The following ADAM12 variants were observed in gnomAD, a reference collection of about 807,000 sequenced individuals.
ADAM12 encodes the protein ADAM metallopeptidase domain 12, also known as disintegrin and metalloproteinase domain-containing protein 12.
ADAM12 carries 70 observed loss-of-function variants against 106.4 expected under a neutral mutation model. The ratio of observed to expected loss-of-function variants is 0.66; its 90% CI spans 0.54 to 0.80. ADAM12 has a LOEUF of 0.80. ADAM12 is among the 30% of genes least tolerant of loss of function. The pLI, the probability that ADAM12 is intolerant of heterozygous loss-of-function variation, is 0.00. For missense variants in ADAM12, 1,010 were observed against 1,171.9 expected (o/e 0.86, Z 2.02); for synonymous variants, 420 against 433.5 (o/e 0.97, Z 0.39).
At chr10:126,255,528 T>A (rs1177449729) in intron 3 of ADAM12, among the ~76,000 whole-genome samples, 1 of 152,196 alleles carries the variant, frequency 6.6e-6, no homozygotes, top group East Asian at 1.9e-4. Flanking sequence ...ATGGCCATAC[T>A]ATTAAATTTT....
At chr10:126,033,181 A>T (rs906126348) in intron 21 of ADAM12, among the ~76,000 whole-genome samples, 1 of 152,142 alleles carries the variant, frequency 6.6e-6, no homozygotes, top group African/African-American at 2.4e-5. Context: ...TCATTCAGTA[A>T]TGTCACACTA....
intron 3 of ADAM12, among the ~76,000 whole-genome samples, chr10:126,198,291 G>A (rs992486011): frequency 8.5e-5 from 13 of 152,192 alleles, no homozygotes; most frequent in African/African-American, 3.1e-4. Flanking sequence ...TGGCAGAGGG[G>A]AGGTCACGCT....
chr10:126,186,196 G>T (rs986687809), intron 3 of ADAM12, among the ~76,000 whole-genome samples: 6 of 152,170 alleles, frequency 3.9e-5, no homozygotes, highest in Admixed American at 1.3e-4. Context: ...AGTGTGCAGT[G>T]TTCAGTCACT....
chr10:126,342,401 C>T (rs1161970126), intron 1 of ADAM12, among the ~76,000 whole-genome samples: 1 of 152,156 alleles, frequency 6.6e-6, no homozygotes, highest in Non-Finnish European at 1.5e-5. Context: ...AATTAGCGTC[C>T]TGAAGAACTT....
Position 126,039,320 on chromosome 10 carries a change from A to C in ADAM12, c.2214T>G (p.Asn738Lys), listed in dbSNP as rs374186953. ...RKTLIRLLFT[N>K]KKTTIEKLRC... is the part of the protein sequence containing the mutation. ...TTAGTTTTTCAATGGTGGTCTTCTT[A>C]TTTGTAAACAGCAGTCGTATCAAGG... The change falls in exon 19 of 23, where the codon AAT (asparagine) becomes AAG (lysine). Residue 738 changes from asparagine to lysine, a missense_variant. By Grantham distance (94) the Asn-to-Lys change is moderately conservative (BLOSUM62 0). Around this residue, in one of 3 missense-constraint regions of ADAM12, gnomAD observed 615 missense variants for 708.5 expected, o/e 0.87. Coordinates refer to ENST00000448723, the MANE Select transcript of ADAM12 (RefSeq NM_001288973.2). 4 of 1,613,996 alleles carry C rather than the reference A, an allele frequency of 2.5e-6. No individual in the cohort carries two copies. The highest frequency in any genetic ancestry group is 2.2e-5 in the East Asian group (1 of 44,868).
chr10:126,045,041 C>T (rs1954277780), intron 17 of ADAM12, among the ~76,000 whole-genome samples: 1 of 152,246 alleles, frequency 6.6e-6, no homozygotes, highest in East Asian at 1.9e-4. Flanking sequence ...CCAGCAAATG[C>T]GGGCCTCTCC....
chr10:126,376,391 ATGAACTGGCACT>A (rs1392667162), intron 1 of ADAM12, among the ~76,000 whole-genome samples: 1 of 152,234 alleles, frequency 6.6e-6, no homozygotes, highest in Non-Finnish European at 1.5e-5. Context: ...AAGAACAGCC[ATGAACTGGCACT>A]TGTTGAAACT....
chr10:126,105,253 G>T (rs1265917665), intron 8 of ADAM12, among the ~76,000 whole-genome samples: 1 of 152,200 alleles, frequency 6.6e-6, no homozygotes, highest in Non-Finnish European at 1.5e-5. Flanking sequence ...ACTGAAGCAA[G>T]ATATAACCTA....
At chr10:126,194,255 G>C (rs545035953) in intron 3 of ADAM12, among the ~76,000 whole-genome samples, 92 of 113,402 alleles carry the variant, frequency 8.1e-4, no homozygotes, top group African/African-American at 3.1e-3. Flanking sequence ...AGCAGTCACA[G>C]ACATCAAATA....
chr10:126,019,554 C>T (rs1953721330), intron 22 of ADAM12, 141 bp downstream of exon 22: 1 of 1,124,960 alleles, frequency 8.9e-7, no homozygotes. Context: ...ATTGTCATGT[C>T]TATTTTACGG....
rs145463931 is a variant in ADAM12 at position 126,139,598 on chromosome 10, G to T, written c.340-3938C>A. 4.5e-4 allele frequency among the ~76,000 whole-genome samples: 68 copies of T among 152,216 alleles called. No individual in the cohort carries two copies. The East Asian group carries it at 0.013, about 29-fold the overall frequency. On this transcript the variant is annotated intron_variant, in intron 4 of 22. Transcript: ENST00000448723. Reference sequence around the variant, plus strand: ...GCTAGGTATGCAGGGGCCATGGCAGGAGAGGACTTACCTACAGAGGGAAAG... The same window carrying T: ...GCTAGGTATGCAGGGGCCATGGCAGTAGAGGACTTACCTACAGAGGGAAAG...
chr10:126,193,270 A>G (rs1364682782), intron 3 of ADAM12, among the ~76,000 whole-genome samples: 1 of 147,320 alleles, frequency 6.8e-6, no homozygotes, highest in African/African-American at 2.5e-5. Flanking sequence ...ATCTCAAAAA[A>G]AAAAAAAAAA....
intron 3 of ADAM12, among the ~76,000 whole-genome samples, chr10:126,243,057 C>T (rs576707850): frequency 6.6e-6 from 1 of 152,330 alleles, no homozygotes; most frequent in Admixed American, 6.5e-5. Context: ...TTCTTTTTCC[C>T]TCTAGACACA....
intron 5 of ADAM12, among the ~76,000 whole-genome samples, chr10:126,123,167 A>C (rs1009195772): frequency 9.9e-5 from 15 of 152,234 alleles, no homozygotes; most frequent in Non-Finnish European, 2.2e-4. Context: ...ATTTAGCTCT[A>C]AAGAATTGCT....
intron 11 of ADAM12, among the ~76,000 whole-genome samples, chr10:126,073,332 C>T (rs2133503729): frequency 6.6e-6 from 1 of 152,312 alleles, no homozygotes; most frequent in Non-Finnish European, 1.5e-5. Context: ...AGGTGATCTG[C>T]CCGCCTCGGC....
intron 6 of ADAM12, 79 bp from the exon 7 acceptor site, chr10:126,109,919 A>C (rs1455761443): frequency 7.3e-7 from 1 of 1,370,318 alleles, no homozygotes; most frequent in African/African-American, 1.4e-5. Context: ...CAATCTAAAC[A>C]CTTTAGGTTG....
At chr10:126,244,750 T>C (rs923988881) in intron 3 of ADAM12, among the ~76,000 whole-genome samples, 2 of 151,990 alleles carry the variant, frequency 1.3e-5, no homozygotes, top group Non-Finnish European at 2.9e-5. Flanking sequence ...CATGCTATGA[T>C]AAAGAGAGAT....
chr10:126,363,258 T>C (rs944545710), intron 1 of ADAM12, among the ~76,000 whole-genome samples: 18 of 151,940 alleles, frequency 1.2e-4, no homozygotes, highest in African/African-American at 4.1e-4. Flanking sequence ...CTGTAAGAAG[T>C]TCAAAAATCT....
chr10:126,286,971 G>A (rs1378139913), intron 2 of ADAM12, among the ~76,000 whole-genome samples: 1 of 152,186 alleles, frequency 6.6e-6, no homozygotes, highest in Non-Finnish European at 1.5e-5. Flanking sequence ...CAGCATGATA[G>A]AGTCTTGGTT....
Sources: allele counts gnomAD v4.1 joint callset (sites outside exome capture counted in the v4.1 genomes callset), GRCh38; gene constraint gnomAD v4.1.1; regional missense constraint gnomAD v4.1.1; transcripts MANE v1.5; gene names NCBI Gene and HGNC (gene_info 2026-07-23, HGNC 2026-07-21).